Variants in CACNG4 observed in about 807,000 individuals in gnomAD.
CACNG4 encodes calcium voltage-gated channel auxiliary subunit gamma 4, also known as voltage-dependent calcium channel gamma-4 subunit.
CACNG4 carries 8 observed loss-of-function variants against 22.9 expected under a neutral mutation model. The observed-to-expected ratio is 0.35, with a 90% CI of 0.21 to 0.63. The LOEUF is 0.63. CACNG4 is among the 30% of genes least tolerant of loss of function. The pLI, the probability that CACNG4 is intolerant of heterozygous loss-of-function variation, is 0.72. For synonymous variants in CACNG4, 188 were observed against 191.9 expected, an observed-to-expected ratio of 0.98 and a Z score of 0.17; for missense variants, 357 against 455.4, an observed-to-expected ratio of 0.78 and a Z score of 1.97.
chr17:67,006,188 C>A (rs938169237), intron 1 of CACNG4, among the ~76,000 whole-genome samples: 1 of 152,172 alleles, frequency 6.6e-6, no homozygotes, highest in Non-Finnish European at 1.5e-5. Context: ...CAGCCAGGCT[C>A]CTCTGGGACT....
chr17:66,964,836 A>C lies in CACNG4; in HGVS notation c.-76A>C. 18 of 754,460 alleles carry C rather than the reference A, an allele frequency of 2.4e-5. No individual in the cohort carries two copies. The highest frequency in any genetic ancestry group is 2.6e-5 in the Non-Finnish European group (16 of 608,042). The allele number at this position is 754,460 out of a possible 1,614,324, so 46.7% of individuals were successfully genotyped here. A position where few individuals can be genotyped will look rare whatever the true frequency, so the allele number is the denominator to read the frequency against. On this transcript the variant is annotated 5_prime_UTR_variant, in exon 1 of 4. Coordinates refer to ENST00000262138, the MANE Select transcript of CACNG4 (RefSeq NM_014405.4). ...GGCCCCCCAACCCCGGCGCCCCCGG[A>C]GCGGCGCGCGGAGGGAGGAGGGCGG... is the stretch of plus-strand genomic sequence containing the variant.
chr17:67,026,265 G>A (rs1170316716), intron 3 of CACNG4, among the ~76,000 whole-genome samples: 5 of 151,500 alleles, frequency 3.3e-5, no homozygotes, highest in African/African-American at 1.2e-4. Flanking sequence ...TGGTGTTTGT[G>A]TGTGCGAGGA....
chr17:67,000,886 C>T (rs562844260), intron 1 of CACNG4, among the ~76,000 whole-genome samples: 3 of 152,272 alleles, frequency 2.0e-5, no homozygotes, highest in Non-Finnish European at 4.4e-5. Context: ...ACTCTGTCCT[C>T]CATCCTGGAG....
At chr17:67,012,860 C>T (rs1039723749) in intron 1 of CACNG4, among the ~76,000 whole-genome samples, 2 of 152,242 alleles carry the variant, frequency 1.3e-5, no homozygotes, top group African/African-American at 4.8e-5. Flanking sequence ...GGTGACCATA[C>T]ACCCTCAGTA....
In CACNG4 at chr17:67,031,565, C is replaced by T. The variant is rs2035606558; in HGVS notation, c.*561C>T. The T allele has an allele frequency of 4.4e-6, 2 of 457,050 alleles. No homozygotes were observed. The highest frequency in any genetic ancestry group is 8.8e-6 in the Non-Finnish European group (2 of 227,046). 28.3% of individuals were successfully genotyped at this position (457,050 alleles called of 1,614,324 possible). On this transcript the variant is annotated 3_prime_UTR_variant, in exon 4 of 4. Transcript: ENST00000262138. This position sits in a 1 kb window ranked among gnomAD's most constrained non-coding sequence, Gnocchi z 4.0. Reference sequence around the variant, plus strand: ...CCTCTCTCCAAGACTCTGGCAGTGGCCTATGATCCTGAAGACAGCTCTGCA... The same window carrying T: ...CCTCTCTCCAAGACTCTGGCAGTGGTCTATGATCCTGAAGACAGCTCTGCA...
intron 1 of CACNG4, among the ~76,000 whole-genome samples, chr17:66,976,170 A>C (rs1445720545): frequency 6.6e-6 from 1 of 152,146 alleles, no homozygotes; most frequent in African/African-American, 2.4e-5. Context: ...CACCGGAGTG[A>C]AAACCATCAG....
In CACNG4 at chr17:66,972,630, G is replaced by A. The variant is rs369127849; in HGVS notation, c.220+7499G>A. The stretch of plus-strand genomic sequence containing the variant: ...AATTCCAGTCACTTCACTTCCCTTC[G>A]AGAAAGCACATGGGGCCTGGCGCGG... On this transcript the variant is annotated intron_variant, in intron 1 of 3. Coordinates refer to ENST00000262138, the MANE Select transcript of CACNG4 (RefSeq NM_014405.4). Among the ~76,000 whole-genome samples the A allele has an allele frequency of 1.5e-4, 22 of 148,994 alleles. No homozygotes were observed. The East Asian group carries it at 2.2e-3, about 15-fold the overall frequency.
chr17:67,028,419 G>A (rs574506345), intron 3 of CACNG4, among the ~76,000 whole-genome samples: 8 of 152,164 alleles, frequency 5.3e-5, no homozygotes, highest in Non-Finnish European at 1.0e-4. Flanking sequence ...TGGGCATGGT[G>A]GCGGGTGCCT....
chr17:66,990,309 A>G (rs2035331481), intron 1 of CACNG4, among the ~76,000 whole-genome samples: 3 of 152,232 alleles, frequency 2.0e-5, no homozygotes, highest in Admixed American at 2.0e-4. Flanking sequence ...TTGGCAGTTC[A>G]CTGCATGGCT....
chr17:66,993,512 A>G (rs1207786846), intron 1 of CACNG4, among the ~76,000 whole-genome samples: 1 of 152,176 alleles, frequency 6.6e-6, no homozygotes, highest in Non-Finnish European at 1.5e-5. Context: ...AATCTCCTCC[A>G]TTGCCAGGTC....
At chr17:67,011,400 C>A (rs1206243860) in intron 1 of CACNG4, among the ~76,000 whole-genome samples, 4 of 152,168 alleles carry the variant, frequency 2.6e-5, no homozygotes, top group Admixed American at 6.5e-5. Context: ...AATTTTAGGA[C>A]AAGAGTCCAC....
chr17:66,971,320 A>AGG (rs2035203307), intron 1 of CACNG4, among the ~76,000 whole-genome samples: 1 of 151,846 alleles, frequency 6.6e-6, no homozygotes, highest in African/African-American at 2.4e-5. Flanking sequence ...AGCCTTGTGG[A>AGG]GCTTACTTAG....
chr17:67,001,219 G>C (rs143097582), intron 1 of CACNG4, among the ~76,000 whole-genome samples: 1 of 152,014 alleles, frequency 6.6e-6, no homozygotes, highest in Non-Finnish European at 1.5e-5. Flanking sequence ...GAGGGCTCCC[G>C]GCCACTTGGA....
At position 66,966,298 on chromosome 17, in the gene CACNG4, G is replaced by A. The variant is rs1046008709; in HGVS notation, c.220+1167G>A. ...GCTTAAGCGTGGCGCTCAGATCGGG[G>A]ACCGGGTGGAGGGAGTTGGTGGGGG... On this transcript the variant is annotated intron_variant, in intron 1 of 3. Transcript: ENST00000262138. Among the ~76,000 whole-genome samples, 5 of 152,202 alleles carry A rather than the reference G, an allele frequency of 3.3e-5. No homozygotes were observed. In the East Asian group the frequency reaches 5.8e-4, roughly 18 times the overall value.
intron 3 of CACNG4, among the ~76,000 whole-genome samples, 176 bp downstream of exon 3, chr17:67,025,176 T>A (rs2035556636): frequency 6.6e-6 from 1 of 152,130 alleles, no homozygotes; most frequent in African/African-American, 2.4e-5. Context: ...GGATGGAGAA[T>A]GGGGAGCAGC....
chr17:67,015,889 T>C (rs1037128421), intron 1 of CACNG4, among the ~76,000 whole-genome samples: 55 of 152,280 alleles, frequency 3.6e-4, no homozygotes, highest in African/African-American at 1.3e-3. Context: ...GCAAAATGCC[T>C]ACTCCAGGTC....
chr17:67,031,065 G>A lies in CACNG4; in HGVS notation c.*61G>A. The A allele has an allele frequency of 3.3e-6, 5 of 1,513,708 alleles. No individual in the cohort carries two copies. The highest frequency in any genetic ancestry group is 4.5e-6 in the Non-Finnish European group (5 of 1,115,292). 93.8% of individuals were successfully genotyped at this position (1,513,708 alleles called of 1,614,324 possible). A position where few individuals can be genotyped will look rare whatever the true frequency, so the allele number is the denominator to read the frequency against. ...CAGAACGGCTCTTTTTGTCACACAG[G>A]ATGGCATGTGATCCTCAAGACGACG... is the stretch of plus-strand genomic sequence containing the variant. On this transcript the variant is annotated 3_prime_UTR_variant, in exon 4 of 4. Coordinates refer to ENST00000262138, the MANE Select transcript of CACNG4 (RefSeq NM_014405.4). The surrounding 1 kb of genome is among the most constrained non-coding windows in gnomAD (Gnocchi z 4.0).
intron 1 of CACNG4, among the ~76,000 whole-genome samples, chr17:67,014,810 G>A (rs1207252234): frequency 6.6e-6 from 1 of 152,046 alleles, no homozygotes; most frequent in African/African-American, 2.4e-5. Flanking sequence ...GGTGGTGCGT[G>A]CCTGTAGTCT....
intron 3 of CACNG4, among the ~76,000 whole-genome samples, chr17:67,029,263 C>T (rs896401373): frequency 6.6e-6 from 1 of 152,056 alleles, no homozygotes; most frequent in Admixed American, 6.5e-5. Flanking sequence ...ACCCAGGAGG[C>T]GGAGGTTGCA....
Sources: gnomAD v4.1 joint callset for allele counts (sites outside exome capture counted in the v4.1 genomes callset) on GRCh38, gnomAD v4.1.1 for gene constraint, Gnocchi (gnomAD v3.1) non-coding constraint, MANE v1.5 for transcripts, NCBI Gene and HGNC (gene_info 2026-07-23, HGNC 2026-07-21) for gene names.